The following PIGK variants were observed in gnomAD, a reference collection of about 807,000 sequenced individuals.
The protein encoded by PIGK is phosphatidylinositol glycan anchor biosynthesis class K, also known as GPI-anchor transamidase.
In PIGK, 42 loss-of-function variants were observed where a neutral mutation model predicts 50.6. That is an observed-to-expected ratio of 0.83 (90% CI 0.65 to 1.07). The LOEUF (loss-of-function observed/expected upper bound fraction) is 1.07, where lower values mean the gene tolerates loss of function less well. Ranked by LOEUF, PIGK falls within the 50% of genes least tolerant of loss-of-function variation. The pLI, the probability that PIGK is intolerant of heterozygous loss-of-function variation, is 0.00. For synonymous variants in PIGK, 151 were observed against 156.0 expected, an observed-to-expected ratio of 0.97 and a Z score of 0.24; for missense variants, 448 against 488.7, an observed-to-expected ratio of 0.92 and a Z score of 0.78.
chr1:77,177,963 G>C (rs1366509697), intron 3 of PIGK, among the ~76,000 whole-genome samples: 1 of 152,134 alleles, frequency 6.6e-6, no homozygotes, highest in Non-Finnish European at 1.5e-5. Context: ...CTTTTCCCAA[G>C]ATGACAGCTT....
At chr1:77,143,533 A>C (rs1472154264) in intron 9 of PIGK, among the ~76,000 whole-genome samples, 1 of 152,140 alleles carries the variant, frequency 6.6e-6, no homozygotes, top group Non-Finnish European at 1.5e-5. Flanking sequence ...AAAAAAATTT[A>C]CATATAGAGA....
chr1:77,115,949 G>A (rs144682340), intron 10 of PIGK, among the ~76,000 whole-genome samples: 1 of 152,144 alleles, frequency 6.6e-6, no homozygotes, highest in East Asian at 1.9e-4. Flanking sequence ...GAAATAGGGG[G>A]AACCAGAGAA....
At chr1:77,152,333 A>G (rs1337756802) in intron 9 of PIGK, among the ~76,000 whole-genome samples, 3 of 152,094 alleles carry the variant, frequency 2.0e-5, no homozygotes, top group Admixed American at 2.0e-4. Flanking sequence ...AACTTTCACC[A>G]TATCCCAAAA....
intron 1 of PIGK, among the ~76,000 whole-genome samples, chr1:77,211,805 CTT>C (rs35286994): frequency 1.2e-4 from 16 of 137,394 alleles, no homozygotes; most frequent in South Asian, 4.7e-4. Flanking sequence ...TTCTTTCTTT[CTT>C]TTTTTTTTTT....
intron 1 of PIGK, among the ~76,000 whole-genome samples, chr1:77,218,771 G>T (rs1305621353): frequency 6.6e-6 from 1 of 152,146 alleles, no homozygotes; most frequent in Non-Finnish European, 1.5e-5. Context: ...GTTTAAAAAT[G>T]GGAAGCTGGA....
intron 10 of PIGK, among the ~76,000 whole-genome samples, chr1:77,116,414 T>C (rs1653965544): frequency 6.6e-6 from 1 of 152,006 alleles, no homozygotes; most frequent in Non-Finnish European, 1.5e-5. Context: ...CTCGATCTCC[T>C]GACCTCGTGA....
intron 6 of PIGK, among the ~76,000 whole-genome samples, chr1:77,163,291 G>C (rs988568868): frequency 1.3e-5 from 2 of 152,098 alleles, no homozygotes. Context: ...CATAGGAATG[G>C]AAGATAGCCT....
intron 10 of PIGK, among the ~76,000 whole-genome samples, chr1:77,108,986 A>T (rs1653769224): frequency 6.6e-6 from 1 of 152,150 alleles, no homozygotes; most frequent in Non-Finnish European, 1.5e-5. Flanking sequence ...CTAGTTAGCC[A>T]TTCGTCTAAC....
intron 10 of PIGK, among the ~76,000 whole-genome samples, chr1:77,110,228 A>G (rs1355846497): frequency 6.6e-6 from 1 of 152,230 alleles, no homozygotes; most frequent in Non-Finnish European, 1.5e-5. Flanking sequence ...TCAAGTGCCA[A>G]TGACTTTCTT....
Position 77,207,592 on chromosome 1 carries a change from TAA to T in PIGK, c.148-863_148-862del, listed in dbSNP as rs56685785. Among the ~76,000 whole-genome samples the T allele has an allele frequency of 2.1e-4, 32 of 152,278 alleles. No individual in the cohort carries two copies. The South Asian group carries it at 6.6e-3, about 32-fold the overall frequency. Reference sequence around the variant, plus strand: ...AACAATCCAACCAAGTTTTATAGTTTAAAAAAATTCCTGAGAATTATATTAAA... The same window carrying T: ...AACAATCCAACCAAGTTTTATAGTTTAAAAATTCCTGAGAATTATATTAAA... On this transcript the variant is annotated intron_variant, in intron 2 of 10. Coordinates refer to ENST00000370812, the MANE Select transcript of PIGK (RefSeq NM_005482.3).
At chr1:77,210,553 A>G in intron 1 of PIGK, 64 bp from the exon 2 acceptor site, 1 of 943,012 alleles carries the variant, frequency 1.1e-6, no homozygotes, top group Non-Finnish European at 1.7e-6. Flanking sequence ...CTGATAATGG[A>G]CAGTTGAGAC....
intron 9 of PIGK, chr1:77,154,190 G>T: frequency 2.0e-6 from 1 of 494,354 alleles, no homozygotes; most frequent in Non-Finnish European, 3.5e-6. Context: ...GGCCTTTGTG[G>T]CAAGTATCAA....
intron 9 of PIGK, among the ~76,000 whole-genome samples, chr1:77,126,211 A>G (rs1654227154): frequency 6.6e-6 from 1 of 151,312 alleles, no homozygotes; most frequent in Admixed American, 6.6e-5. Flanking sequence ...TTCCCTTTTT[A>G]TTTGTGCTTT....
At chr1:77,108,637 T>A (rs1445350895) in intron 10 of PIGK, among the ~76,000 whole-genome samples, 1 of 152,108 alleles carries the variant, frequency 6.6e-6, no homozygotes, top group Non-Finnish European at 1.5e-5. Flanking sequence ...AATGTTGGCC[T>A]GCCTTGCTAG....
intron 8 of PIGK, among the ~76,000 whole-genome samples, chr1:77,158,159 G>C (rs1021606646): frequency 2.6e-5 from 4 of 152,116 alleles, no homozygotes; most frequent in Admixed American, 6.5e-5. Context: ...TGGGATTACA[G>C]GCATGTGCCA....
At chr1:77,216,876 A>G (rs192324600) in intron 1 of PIGK, among the ~76,000 whole-genome samples, 23 of 152,288 alleles carry the variant, frequency 1.5e-4, no homozygotes, top group Admixed American at 1.3e-3. Flanking sequence ...TTCAGACCTT[A>G]GTGAAAAAAT....
At chr1:77,163,769 T>C in intron 6 of PIGK, 77 bp downstream of exon 6, 3 of 772,228 alleles carry the variant, frequency 3.9e-6, no homozygotes, top group Non-Finnish European at 4.2e-6. Flanking sequence ...TCTTAAAAAA[T>C]AAAAATTACA....
intron 3 of PIGK, among the ~76,000 whole-genome samples, chr1:77,193,294 G>A (rs1267680825): frequency 8.0e-6 from 1 of 124,856 alleles, no homozygotes; most frequent in Non-Finnish European, 1.6e-5. Flanking sequence ...TTTCTCCTAA[G>A]CTTTGTTCTT....
chr1:77,182,426 C>A (rs1298014381), intron 3 of PIGK, among the ~76,000 whole-genome samples: 2 of 152,044 alleles, frequency 1.3e-5, no homozygotes, highest in East Asian at 3.9e-4. Context: ...CTGCCTTTCC[C>A]AGCCTCAAAT....
Sources: gnomAD v4.1 joint callset for allele counts (sites outside exome capture counted in the v4.1 genomes callset) on GRCh38, gnomAD v4.1.1 for gene constraint, MANE v1.5 for transcripts, NCBI Gene and HGNC (gene_info 2026-07-23, HGNC 2026-07-21) for gene names.